The following PRKG1 variants were observed in gnomAD, a reference collection of about 807,000 sequenced individuals.
PRKG1 encodes the protein protein kinase cGMP-dependent 1.
Under a neutral mutation model 88.1 loss-of-function variants are expected in PRKG1, and 35 were observed. The ratio of observed to expected loss-of-function variants is 0.40; its 90% CI spans 0.30 to 0.53. The LOEUF is 0.53. Among genes scored for constraint, PRKG1 ranks in the 20% least tolerant of loss-of-function variants. The probability of loss-of-function intolerance (pLI) is 0.59; values close to 1 mark genes in which losing one functional copy is unlikely to be tolerated. For missense variants in PRKG1, 540 were observed against 839.8 expected (o/e 0.64, Z 4.41); for synonymous variants, 303 against 292.5 (o/e 1.04, Z -0.37).
At position 52,062,741 on chromosome 10, in the gene PRKG1, A is replaced by T. The variant is rs1179673611; in HGVS notation, c.935+110A>T. ...CTTTTTATTTAGTGCTTATCTCAAT[A>T]TCAAATATGGACCCTTGATGATAAA... On this transcript the variant is annotated intron_variant, in intron 7 of 17. Transcript: ENST00000373980. The T allele has an allele frequency of 5.1e-6, 4 of 778,848 alleles. No homozygotes were observed. The South Asian group carries it at 5.8e-5, about 11-fold the overall frequency. The allele number at this position is 778,848 out of a possible 1,614,324, so 48.2% of individuals were successfully genotyped here.
At chr10:52,249,350 C>T (rs915063770) in intron 9 of PRKG1, among the ~76,000 whole-genome samples, 1 of 151,610 alleles carries the variant, frequency 6.6e-6, no homozygotes, top group Non-Finnish European at 1.5e-5. Context: ...AGATATAGAA[C>T]TATAGGTTTT....
intron 9 of PRKG1, among the ~76,000 whole-genome samples, chr10:52,166,592 C>A (rs1192987127): frequency 6.7e-6 from 1 of 149,248 alleles, no homozygotes; most frequent in African/African-American, 2.4e-5. Flanking sequence ...CGCCACTATG[C>A]CCGGCTAATT....
intron 3 of PRKG1, among the ~76,000 whole-genome samples, chr10:51,572,573 A>C (rs938007489): frequency 6.6e-6 from 1 of 151,946 alleles, no homozygotes; most frequent in African/African-American, 2.4e-5. Context: ...TTCTATTTGC[A>C]AAGTATGGTT....
intron 1 of PRKG1, among the ~76,000 whole-genome samples, chr10:51,010,975 A>G (rs999722911): frequency 1.3e-5 from 2 of 152,190 alleles, no homozygotes; most frequent in South Asian, 4.1e-4. Flanking sequence ...TCCTGCCTGA[A>G]TGGCTGGTGA....
intron 3 of PRKG1, among the ~76,000 whole-genome samples, chr10:51,737,306 T>C (rs1269880771): frequency 1.3e-5 from 2 of 152,204 alleles, no homozygotes; most frequent in South Asian, 2.1e-4. Flanking sequence ...AAACGCTTTC[T>C]TACCGTTCAT....
At chr10:51,571,461 AT>A in intron 3 of PRKG1, among the ~76,000 whole-genome samples, 1 of 151,954 alleles carries the variant, frequency 6.6e-6, no homozygotes. Context: ...AAATTGCTAA[AT>A]GTTATATAAA....
intron 10 of PRKG1, among the ~76,000 whole-genome samples, chr10:52,266,336 A>C (rs991493410): frequency 1.3e-5 from 2 of 151,886 alleles, no homozygotes; most frequent in African/African-American, 4.8e-5. Context: ...GTCAGCATGC[A>C]TTAGTTATTT....
At chr10:51,216,685 T>A (rs1838380184) in intron 2 of PRKG1, among the ~76,000 whole-genome samples, 1 of 152,198 alleles carries the variant, frequency 6.6e-6, no homozygotes, top group African/African-American at 2.4e-5. Context: ...GCTTGAGAAT[T>A]CCACAGAGGT....
chr10:51,935,369 C>T lies in PRKG1; in HGVS notation c.762+27799C>T, dbSNP rs551222434. Among the ~76,000 whole-genome samples the T allele has an allele frequency of 1.1e-4, 17 of 152,056 alleles. No homozygotes were observed. In the East Asian group the frequency reaches 3.3e-3, roughly 29 times the overall value. ...TTAAATTTTCTGGAGATAAGTGCTC[C>T]TTATGATTTAAACAAACAAACACAA... is the stretch of plus-strand genomic sequence containing the variant. On this transcript the variant is annotated intron_variant, in intron 5 of 17. Coordinates refer to ENST00000373980, the MANE Select transcript of PRKG1 (RefSeq NM_006258.4).
intron 3 of PRKG1, among the ~76,000 whole-genome samples, chr10:51,600,356 G>A (rs988206753): frequency 1.3e-5 from 2 of 152,118 alleles, no homozygotes; most frequent in Non-Finnish European, 2.9e-5. Flanking sequence ...CCATGGCTAA[G>A]AATCTCATTC....
chr10:51,564,270 A>G (rs1837544555), intron 3 of PRKG1, among the ~76,000 whole-genome samples: 1 of 152,100 alleles, frequency 6.6e-6, no homozygotes, highest in Non-Finnish European at 1.5e-5. Flanking sequence ...ACTAATGGGA[A>G]AAAGCTAGAC....
At chr10:52,084,598 CT>C (rs1011803965) in intron 7 of PRKG1, among the ~76,000 whole-genome samples, 3 of 151,910 alleles carry the variant, frequency 2.0e-5, no homozygotes, top group African/African-American at 7.3e-5. Flanking sequence ...CAGATATATA[CT>C]TTTTTCCTGC....
At chr10:51,571,335 C>A (rs10823217) in intron 3 of PRKG1, among the ~76,000 whole-genome samples, 32,825 of 151,762 alleles carry the variant, frequency 0.22, 5,198 homozygotes, top group African/African-American at 0.45. Flanking sequence ...AGGTGTGTTA[C>A]TGTCTCAACA....
chr10:51,903,105 A>G (rs556480141), intron 4 of PRKG1, among the ~76,000 whole-genome samples: 3 of 152,258 alleles, frequency 2.0e-5, no homozygotes, highest in Admixed American at 1.3e-4. Context: ...AATTACTAAG[A>G]TGAATTAAGA....
chr10:52,271,111 C>T (rs1010775067), intron 10 of PRKG1, among the ~76,000 whole-genome samples: 8 of 151,962 alleles, frequency 5.3e-5, no homozygotes, highest in Non-Finnish European at 1.0e-4. Flanking sequence ...CTAATCCACA[C>T]GTGAACACAA....
At chr10:51,128,293 A>G (rs1276641450) in intron 1 of PRKG1, among the ~76,000 whole-genome samples, 1 of 152,162 alleles carries the variant, frequency 6.6e-6, no homozygotes, top group Non-Finnish European at 1.5e-5. Flanking sequence ...CGTATAGCAA[A>G]CTGTTCTCAC....
chr10:52,230,257 G>A (rs1840490625), intron 9 of PRKG1, among the ~76,000 whole-genome samples: 1 of 152,172 alleles, frequency 6.6e-6, no homozygotes, highest in African/African-American at 2.4e-5. Context: ...CTAGATCCCA[G>A]CCAAGGGGTG....
Position 52,167,685 on chromosome 10 carries a change from T to C in PRKG1, c.1076+5722T>C, listed in dbSNP as rs184861302. ...CCTTTGAATACATTCCATCTAGCGA[T>C]GCTTTTCAAACTACTTTGTGTCGTG... On this transcript the variant is annotated intron_variant, in intron 9 of 17. Coordinates refer to ENST00000373980, the MANE Select transcript of PRKG1 (RefSeq NM_006258.4). Among the ~76,000 whole-genome samples, 172 of 151,380 alleles carry C rather than the reference T, an allele frequency of 1.1e-3. 1 individual carries two copies. The highest frequency in any genetic ancestry group is 3.6e-3 in the African/African-American group (150 of 41,302).
Position 52,142,161 on chromosome 10 carries a change from G to A in PRKG1, c.1001+8256G>A, listed in dbSNP as rs557070360. Among the ~76,000 whole-genome samples the A allele has an allele frequency of 3.3e-5, 5 of 152,252 alleles. No homozygotes were observed. The East Asian group carries it at 5.8e-4, about 18-fold the overall frequency. ...AATCCTTTAGTTTAAAAATGAGGAA[G>A]GCGAGTCCCAGAAGGAGTGTGGATT... On this transcript the variant is annotated intron_variant, in intron 8 of 17. Transcript: ENST00000373980.
Sources: gnomAD v4.1 joint callset for allele counts (sites outside exome capture counted in the v4.1 genomes callset) on GRCh38, gnomAD v4.1.1 for gene constraint, MANE v1.5 for transcripts, NCBI Gene and HGNC (gene_info 2026-07-23, HGNC 2026-07-21) for gene names.